FHIP1B: variants seen among roughly 807,000 people sequenced by gnomAD.
The protein encoded by FHIP1B is FHF complex subunit HOOK-interacting protein 1B.
In FHIP1B, 28 loss-of-function variants were observed where a neutral mutation model predicts 82.2. The ratio of observed to expected loss-of-function variants is 0.34; its 90% CI spans 0.25 to 0.47. FHIP1B has a LOEUF of 0.47. FHIP1B is among the 20% of genes least tolerant of loss of function. FHIP1B has a pLI of 1.00. For missense variants in FHIP1B, 1,110 were observed against 1,262.6 expected, an observed-to-expected ratio of 0.88 and a Z score of 1.83; for synonymous variants, 585 against 516.1, an observed-to-expected ratio of 1.13 and a Z score of -1.81.
At position 6,223,502 on chromosome 11, in the gene FHIP1B, C is replaced by G. The variant is rs1478280814; in HGVS notation, c.777+108G>C. ...CTGCTTTCAAATCCAGGAACTGTTT[C>G]CTAGGGGAACGGGCCCTGGAACATA... On this transcript the variant is annotated intron_variant, in intron 3 of 11. Coordinates refer to ENST00000449352, the MANE Select transcript of FHIP1B (RefSeq NM_001098794.2). The surrounding 1 kb of genome is among the most constrained non-coding windows in gnomAD (Gnocchi z 4.8). 3 of 1,398,312 alleles carry G rather than the reference C, an allele frequency of 2.1e-6. No homozygotes were observed. In the East Asian group the frequency reaches 6.9e-5, roughly 32 times the overall value. The allele number at this position is 1,398,312 out of a possible 1,614,324, so 86.6% of individuals were successfully genotyped here. A position where few individuals can be genotyped will look rare whatever the true frequency, so the allele number is the denominator to read the frequency against.
Position 6,222,608 on chromosome 11 carries a change from G to C in FHIP1B, c.1025C>G (p.Thr342Ser), listed in dbSNP as rs369885408. 6.2e-7 allele frequency: 1 copy of C among 1,613,996 alleles called. No homozygotes were observed. The highest frequency in any genetic ancestry group is 1.3e-5 in the African/African-American group (1 of 75,022). Residue 342 changes from threonine to serine, a missense_variant and splice_region_variant, in exon 6 of 12, where the codon ACC (threonine) becomes AGC (serine). Transcript: ENST00000449352. ...VPVMGPALHK[T>S]SVEEMIASTA... ...ACTGGCGATCATCTCCTCCACAGAG[G>C]TCTGCACAAAAAGAAGGGAAAGTCT...
In FHIP1B at chr11:6,217,513, G is replaced by A; in HGVS notation, c.2073C>T (p.Gly691=). Residue 691 remains glycine, a synonymous_variant, in exon 9 of 12, where the codon GGC becomes GGT. Coordinates refer to ENST00000449352, the MANE Select transcript of FHIP1B (RefSeq NM_001098794.2). ...LEVALSNGGT[G]SESPLEPPLP... Reference sequence around the variant, plus strand: ...GTGGAGGTTCTAAGGGGGACTCTGAGCCAGTTCCCCCATTGCTCAATGCCA... The same window carrying A: ...GTGGAGGTTCTAAGGGGGACTCTGAACCAGTTCCCCCATTGCTCAATGCCA... 1 of 1,612,182 alleles carries A rather than the reference G, an allele frequency of 6.2e-7. No individual in the cohort carries two copies. The highest frequency in any genetic ancestry group is 1.7e-4 in the Middle Eastern group (1 of 6,044).
rs1161781819 is a variant in FHIP1B, at chr11:6,217,982, C to T, written c.1604G>A (p.Gly535Asp). 2 of 1,613,508 alleles carry T rather than the reference C, an allele frequency of 1.2e-6. No individual in the cohort carries two copies. Among genetic ancestry groups the T allele is most frequent in the South Asian group, 2.2e-5 (2 of 91,084 alleles). ...CTCCTCTGCAGGGGTAGGCCGTCGG[C>T]CAGGGCTGGAGGCGGGGGATGCAGA... ...GLSASPASSPGRRPTPAEEPG... is the reference protein window; with the variant it reads ...GLSASPASSPDRRPTPAEEPG... Residue 535 changes from glycine to aspartate, a missense_variant, in exon 9 of 12, where the codon GGC becomes GAC. By Grantham distance (94) the Gly-to-Asp change is moderately conservative. This residue lies in a region of FHIP1B where 418 missense variants were observed against 371.4 expected (regional missense o/e 1.13). Coordinates refer to ENST00000449352, the MANE Select transcript of FHIP1B (RefSeq NM_001098794.2).
In FHIP1B at chr11:6,218,659, C is replaced by T. The variant is rs1056532375; in HGVS notation, c.1376G>A (p.Arg459His). ...AADKFLSLIP[R>H]CCRHHAPSPP... is the part of the protein sequence containing the mutation. Reference sequence around the variant, plus strand: ...GCTGGGGGCGTGGTGCCGACAACAGCGTGGGATTAGGGAGAGAAACTTGTC... The same window carrying T: ...GCTGGGGGCGTGGTGCCGACAACAGTGTGGGATTAGGGAGAGAAACTTGTC... The change falls in exon 8 of 12, where the codon CGC becomes CAC. Residue 459 changes from arginine (R) to histidine (H), a missense_variant. Coordinates refer to ENST00000449352, the MANE Select transcript of FHIP1B (RefSeq NM_001098794.2). 3 of 1,614,092 alleles carry T rather than the reference C, an allele frequency of 1.9e-6. No homozygotes were observed. The highest frequency in any genetic ancestry group is 2.5e-6 in the Non-Finnish European group (3 of 1,180,012).
At position 6,222,912 on chromosome 11, in the gene FHIP1B, G is replaced by C. The variant is rs1847453899; in HGVS notation, c.937-15C>G. The C allele has an allele frequency of 6.2e-7, 1 of 1,613,042 alleles. No individual in the cohort carries two copies. Among genetic ancestry groups the C allele is most frequent in the Non-Finnish European group, 8.5e-7 (1 of 1,178,974 alleles). On this transcript the variant is annotated splice_polypyrimidine_tract_variant and intron_variant, in intron 4 of 11. Transcript: ENST00000449352. ...GGGTGAGCCACCTGTAGGAGTGCCA[G>C]AGAGAAGGGGGAGGGTTATGAGGAG...
intron 2 of FHIP1B, 41 bp downstream of exon 2, chr11:6,224,338 G>A (rs778900785): frequency 1.2e-6 from 2 of 1,614,224 alleles, no homozygotes; most frequent in Admixed American, 1.7e-5. Flanking sequence ...GGAGAACTCA[G>A]GTGATCAGCA....
intron 1 of FHIP1B, among the ~76,000 whole-genome samples, chr11:6,229,821 A>T (rs1446844734): frequency 2.0e-5 from 3 of 152,128 alleles, no homozygotes; most frequent in South Asian, 2.1e-4. Flanking sequence ...CAATACTTAA[A>T]CTGGGCCCTG....
intron 6 of FHIP1B, among the ~76,000 whole-genome samples, chr11:6,221,636 A>G (rs989670391): frequency 2.0e-5 from 3 of 151,834 alleles, no homozygotes; most frequent in Non-Finnish European, 2.9e-5. Context: ...CTCTTCCCCC[A>G]TTTGATGTCC....
rs374871287 is a variant in FHIP1B at position 6,217,442 on chromosome 11, G to T, written c.2144C>A (p.Pro715His). The change falls in exon 9 of 12, where the codon CCT becomes CAT. Residue 715 changes from proline (P) to histidine (H), a missense_variant. Coordinates refer to ENST00000449352, the MANE Select transcript of FHIP1B (RefSeq NM_001098794.2). ...EEAYESFTCPPEPPGPFLSSP... is the reference protein window; with the variant it reads ...EEAYESFTCPHEPPGPFLSSP... ...GCTGAGGAAGGGGCCAGGGGGCTCA[G>T]GGGGACAGGTGAAGCTCTCGTAGGC... 2.4e-5 allele frequency: 38 copies of T among 1,614,056 alleles called. No homozygotes were observed. In the South Asian group the frequency reaches 3.3e-4, roughly 14 times the overall value.
chr11:6,218,207 T>C (rs947074411), intron 8 of FHIP1B, 57 bp from the exon 9 acceptor site: 3 of 1,547,368 alleles, frequency 1.9e-6, no homozygotes, highest in Non-Finnish European at 2.6e-6. Flanking sequence ...GAAGGAGAGA[T>C]AAGACACCTC....
At chr11:6,218,407 T>A in intron 8 of FHIP1B, 193 bp downstream of exon 8, 1 of 917,188 alleles carries the variant, frequency 1.1e-6, no homozygotes, top group East Asian at 2.6e-5. Context: ...TGCCCAGAAG[T>A]CCCACTCTAA....
chr11:6,228,729 G>A (rs1004109354), intron 1 of FHIP1B, among the ~76,000 whole-genome samples: 1 of 152,200 alleles, frequency 6.6e-6, no homozygotes, highest in African/African-American at 2.4e-5. Context: ...GGGTGAGAAG[G>A]TGGCAAAGCC....
rs1564865617 is a variant in FHIP1B at position 6,222,967 on chromosome 11, C to T, written c.937-70G>A. 2.0e-5 allele frequency: 31 copies of T among 1,582,606 alleles called. No homozygotes were observed. The Middle Eastern group carries it at 6.6e-4, about 34-fold the overall frequency. On this transcript the variant is annotated intron_variant, in intron 4 of 11. Coordinates refer to ENST00000449352, the MANE Select transcript of FHIP1B (RefSeq NM_001098794.2). ...CTGCCTGGAAGGGAGTAGAATAGTACACTACAGAGAGGCATCCTACTTCCA... is the reference window on the plus strand; with the variant it reads ...CTGCCTGGAAGGGAGTAGAATAGTATACTACAGAGAGGCATCCTACTTCCA...
chr11:6,216,888 C>T (rs1296670296), intron 9 of FHIP1B: 1 of 593,874 alleles, frequency 1.7e-6, no homozygotes, highest in African/African-American at 1.9e-5. Flanking sequence ...GAGAAAAATA[C>T]CAGAAGGTTA....
rs1413762807 is a variant in FHIP1B at position 6,223,847 on chromosome 11, G to A, written c.540C>T (p.Leu180=). ...PALDEGLVLL[L]SQLCVCVAQE... is the part of the protein sequence containing the mutation. ...GGGCCACACAAACACACAGCTGGCT[G>A]AGAAGTAGCACCAAGCCTTCATCCA... The change falls in exon 3 of 12, where the codon CTC becomes CTT. Residue 180 remains leucine (L), a synonymous_variant. Transcript: ENST00000449352. The surrounding 1 kb of genome is among the most constrained non-coding windows in gnomAD (Gnocchi z 4.8). 4 of 1,614,244 alleles carry A rather than the reference G, an allele frequency of 2.5e-6. No homozygotes were observed. The highest frequency in any genetic ancestry group is 2.2e-5 in the South Asian group (2 of 91,086).
At position 6,215,504 on chromosome 11, in the gene FHIP1B, A is replaced by G. The variant is rs1371100871; in HGVS notation, c.2216-593T>C. Reference sequence around the variant, plus strand: ...ACTAAACCTGCTCAGAAAGAAAGCTAGAAGATGGTGTTGCAAAGACAAAGT... The same window carrying G: ...ACTAAACCTGCTCAGAAAGAAAGCTGGAAGATGGTGTTGCAAAGACAAAGT... On this transcript the variant is annotated intron_variant, in intron 9 of 11. Coordinates refer to ENST00000449352, the MANE Select transcript of FHIP1B (RefSeq NM_001098794.2). 3 of 152,276 alleles carry G rather than the reference A, an allele frequency of 2.0e-5. No homozygotes were observed. The East Asian group carries it at 5.8e-4, about 29-fold the overall frequency. The allele number at this position is 152,276 out of a possible 1,614,324, so 9.4% of individuals were successfully genotyped here.
chr11:6,232,300 TCACTATCATGATATGATC>T (rs1317558342), intron 1 of FHIP1B, among the ~76,000 whole-genome samples: 1 of 152,218 alleles, frequency 6.6e-6, no homozygotes, highest in Admixed American at 6.5e-5. Context: ...ATTCATCCTA[TCACTATCATGATATGATC>T]CACTATCAAG....
At position 6,223,308 on chromosome 11, in the gene FHIP1B, T is replaced by A; in HGVS notation, c.778-70A>T. On this transcript the variant is annotated intron_variant, in intron 3 of 11. Transcript: ENST00000449352. The surrounding 1 kb of genome is among the most constrained non-coding windows in gnomAD (Gnocchi z 4.8). ...AATATAAAAACTGGAACAGGGGAGCTAGTAATCCAGAGTTTTGATGGGAAT... is the reference window on the plus strand; with the variant it reads ...AATATAAAAACTGGAACAGGGGAGCAAGTAATCCAGAGTTTTGATGGGAAT... The A allele has an allele frequency of 6.7e-7, 1 of 1,482,830 alleles. No individual in the cohort carries two copies. The highest frequency in any genetic ancestry group is 9.1e-7 in the Non-Finnish European group (1 of 1,098,644). 91.9% of individuals were successfully genotyped at this position (1,482,830 alleles called of 1,614,324 possible). A position where few individuals can be genotyped will look rare whatever the true frequency, so the allele number is the denominator to read the frequency against.
intron 11 of FHIP1B, 33 bp downstream of exon 11, chr11:6,214,378 G>T: frequency 6.4e-7 from 1 of 1,570,754 alleles, no homozygotes; most frequent in Non-Finnish European, 8.6e-7. Context: ...TATCTAGGGA[G>T]GGCAGGTACG....
Sources: allele counts gnomAD v4.1 joint callset (sites outside exome capture counted in the v4.1 genomes callset), GRCh38; gene constraint gnomAD v4.1.1; regional missense constraint gnomAD v4.1.1; non-coding constraint Gnocchi (gnomAD v3.1); transcripts MANE v1.5; gene names NCBI Gene and HGNC (gene_info 2026-07-23, HGNC 2026-07-21).